XYLT1: variants seen among roughly 807,000 people sequenced by gnomAD.
XYLT1 encodes xylosyltransferase 1, also known as beta-D-xylosyltransferase 1.
XYLT1 carries 36 observed loss-of-function variants against 91.3 expected under a neutral mutation model. That is an observed-to-expected ratio of 0.39 (90% CI 0.30 to 0.52). The LOEUF is 0.52. Among genes scored for constraint, XYLT1 ranks in the 20% least tolerant of loss-of-function variants. The probability of loss-of-function intolerance (pLI) is 0.68; values close to 1 mark genes in which losing one functional copy is unlikely to be tolerated. For missense variants in XYLT1, 1,242 were observed against 1,284.5 expected, an observed-to-expected ratio of 0.97 and a Z score of 0.51; for synonymous variants, 588 against 532.0, an observed-to-expected ratio of 1.11 and a Z score of -1.45.
intron 1 of XYLT1, among the ~76,000 whole-genome samples, chr16:17,412,022 G>C (rs1411691464): frequency 1.3e-5 from 2 of 152,066 alleles, no homozygotes; most frequent in Non-Finnish European, 2.9e-5. Context: ...TGGGGCAAGA[G>C]GGGGCATAAA....
intron 6 of XYLT1, among the ~76,000 whole-genome samples, chr16:17,153,171 C>A (rs1246721955): frequency 3.3e-5 from 5 of 152,200 alleles, no homozygotes; most frequent in Admixed American, 2.6e-4. Context: ...AACTAACTGT[C>A]CCCAAGGGCT....
chr16:17,318,751 C>A (rs1232496097), intron 2 of XYLT1, among the ~76,000 whole-genome samples: 2 of 149,782 alleles, frequency 1.3e-5, no homozygotes, highest in African/African-American at 4.9e-5. Context: ...ATTATGATGA[C>A]AAGAACTCCA....
rs185203775 is a variant in XYLT1 at position 17,427,362 on chromosome 16, G to A, written c.363+43072C>T. Among the ~76,000 whole-genome samples the A allele has an allele frequency of 5.3e-5, 8 of 152,334 alleles. No individual in the cohort carries two copies. In the East Asian group the frequency reaches 1.5e-3, roughly 29 times the overall value. On this transcript the variant is annotated intron_variant, in intron 1 of 11. Coordinates refer to ENST00000261381, the MANE Select transcript of XYLT1 (RefSeq NM_022166.4). Reference sequence around the variant, plus strand: ...CACCTAGGCTGGTGTGCAGTGGTGCGATCTCGCCTCACGGCAGCCTCCCAG... The same window carrying A: ...CACCTAGGCTGGTGTGCAGTGGTGCAATCTCGCCTCACGGCAGCCTCCCAG...
At chr16:17,328,793 A>G (rs1319314925) in intron 2 of XYLT1, among the ~76,000 whole-genome samples, 3 of 152,144 alleles carry the variant, frequency 2.0e-5, no homozygotes, top group Non-Finnish European at 4.4e-5. Flanking sequence ...CTTCACACAC[A>G]TTCAGCGTAC....
rs1422695146 is a variant in XYLT1, at chr16:17,103,205, T to A, written c.*5490A>T. The stretch of plus-strand genomic sequence containing the variant: ...ATGGAGAACGTCTCCTGATTTACCC[T>A]TGAATGAAGTACATATAAAGTCACC... On this transcript the variant is annotated 3_prime_UTR_variant, in exon 12 of 12. Coordinates refer to ENST00000261381, the MANE Select transcript of XYLT1 (RefSeq NM_022166.4). The A allele has an allele frequency of 2.6e-5, 4 of 152,624 alleles. No individual in the cohort carries two copies. Among genetic ancestry groups the A allele is most frequent in the Admixed American group, 1.3e-4 (2 of 15,282 alleles). 9.5% of individuals were successfully genotyped at this position (152,624 alleles called of 1,614,324 possible). A position where few individuals can be genotyped will look rare whatever the true frequency, so the allele number is the denominator to read the frequency against.
intron 4 of XYLT1, 112 bp downstream of exon 4, chr16:17,200,370 G>T: frequency 7.2e-7 from 1 of 1,382,758 alleles, no homozygotes; most frequent in Non-Finnish European, 1.0e-6. Context: ...CAGCTTCCAA[G>T]CCTTTTCTGA....
intron 1 of XYLT1, among the ~76,000 whole-genome samples, chr16:17,424,593 G>A (rs1355502066): frequency 6.6e-6 from 1 of 152,030 alleles, no homozygotes; most frequent in African/African-American, 2.4e-5. Flanking sequence ...GGACACAGCC[G>A]GGTGCGGTGG....
intron 1 of XYLT1, among the ~76,000 whole-genome samples, chr16:17,367,387 C>T (rs2035469104): frequency 1.3e-5 from 2 of 152,180 alleles, no homozygotes; most frequent in Non-Finnish European, 2.9e-5. Flanking sequence ...CCTCCTGGAG[C>T]TGGGAACACA....
intron 2 of XYLT1, among the ~76,000 whole-genome samples, chr16:17,315,553 G>A (rs563542063): frequency 5.9e-5 from 9 of 152,148 alleles, no homozygotes; most frequent in Admixed American, 2.6e-4. Flanking sequence ...GTTTTGTCCC[G>A]TCTCTCTACC....
chr16:17,202,165 A>C (rs1342518570), intron 3 of XYLT1, among the ~76,000 whole-genome samples: 3 of 152,188 alleles, frequency 2.0e-5, no homozygotes, highest in Non-Finnish European at 4.4e-5. Flanking sequence ...ACTTGGGTCC[A>C]ACCCAATTTC....
At chr16:17,332,067 T>C (rs1326471178) in intron 2 of XYLT1, among the ~76,000 whole-genome samples, 1 of 152,216 alleles carries the variant, frequency 6.6e-6, no homozygotes, top group Non-Finnish European at 1.5e-5. Context: ...TGCTTCTGCA[T>C]AGCCTGCCTC....
intron 1 of XYLT1, among the ~76,000 whole-genome samples, chr16:17,406,387 A>C (rs2141906724): frequency 6.6e-6 from 1 of 152,326 alleles, no homozygotes; most frequent in African/African-American, 2.4e-5. Context: ...TGTGACTTAG[A>C]GCACACTGCT....
chr16:17,116,447 T>C (rs1167151980), intron 11 of XYLT1, among the ~76,000 whole-genome samples: 1 of 152,216 alleles, frequency 6.6e-6, no homozygotes, highest in Non-Finnish European at 1.5e-5. Context: ...GATTTATCTG[T>C]GATATTTCCC....
chr16:17,432,507 G>A (rs1408531588), intron 1 of XYLT1, among the ~76,000 whole-genome samples: 1 of 152,192 alleles, frequency 6.6e-6, no homozygotes, highest in African/African-American at 2.4e-5. Context: ...AGAGACAGCA[G>A]ATTAGCGGGT....
chr16:17,344,327 CAAAAAAAAAA>C (rs1167697825), intron 2 of XYLT1, among the ~76,000 whole-genome samples: 1 of 105,156 alleles, frequency 9.5e-6, no homozygotes, highest in Non-Finnish European at 2.1e-5. Flanking sequence ...CTAAAAAATA[CAAAAAAAAAA>C]AAAAAATTAG....
intron 4 of XYLT1, among the ~76,000 whole-genome samples, chr16:17,198,874 A>T (rs2032481825): frequency 6.6e-6 from 1 of 152,156 alleles, no homozygotes. Flanking sequence ...CTTCCCAAGT[A>T]GCTGGGATTA....
intron 1 of XYLT1, among the ~76,000 whole-genome samples, chr16:17,375,481 AACACACAC>A (rs71137985): frequency 7.5e-5 from 11 of 147,430 alleles, no homozygotes; most frequent in Non-Finnish European, 1.0e-4. Context: ...TAACATTTAA[AACACACAC>A]ACACACACAC....
intron 5 of XYLT1, among the ~76,000 whole-genome samples, chr16:17,165,469 G>A (rs1412399005): frequency 6.6e-6 from 1 of 152,046 alleles, no homozygotes; most frequent in Non-Finnish European, 1.5e-5. Context: ...GGCGGATCAT[G>A]AGGTCAAGAG....
intron 5 of XYLT1, among the ~76,000 whole-genome samples, chr16:17,175,090 AT>A (rs2141561459): frequency 6.6e-6 from 1 of 152,328 alleles, no homozygotes; most frequent in East Asian, 1.9e-4. Flanking sequence ...TAATGTTATT[AT>A]TTATGTTTTT....
Sources: gnomAD v4.1 joint callset for allele counts (sites outside exome capture counted in the v4.1 genomes callset) on GRCh38, gnomAD v4.1.1 for gene constraint, MANE v1.5 for transcripts, NCBI Gene and HGNC (gene_info 2026-07-23, HGNC 2026-07-21) for gene names.